ATF7: variants seen among roughly 807,000 people sequenced by gnomAD.
ATF7 encodes the protein activating transcription factor 7, also known as cyclic AMP-dependent transcription factor ATF-7.
Under a neutral mutation model 50.4 loss-of-function variants are expected in ATF7, and 10 were observed. The ratio of observed to expected loss-of-function variants is 0.20; its 90% CI spans 0.12 to 0.34. The LOEUF (loss-of-function observed/expected upper bound fraction) is 0.34. Among genes scored for constraint, ATF7 ranks in the 10% least tolerant of loss-of-function variants. The pLI is 1.00. For missense variants in ATF7, 465 were observed against 613.9 expected (o/e 0.76, Z 2.56); for synonymous variants, 201 against 226.4 (o/e 0.89, Z 1.01).
chr12:53,519,575 G>A (rs1937971098), intron 11 of ATF7, among the ~76,000 whole-genome samples: 1 of 151,860 alleles, frequency 6.6e-6, no homozygotes, highest in Non-Finnish European at 1.5e-5. Context: ...GGTGGTGCCC[G>A]CCTGTAGTCC....
intron 2 of ATF7, among the ~76,000 whole-genome samples, chr12:53,596,999 T>C (rs1943185048): frequency 6.6e-6 from 1 of 152,188 alleles, no homozygotes; most frequent in African/African-American, 2.4e-5. Context: ...TATTAACTGC[T>C]CCTGCTACCA....
At chr12:53,584,555 A>G (rs750926849) in intron 2 of ATF7, among the ~76,000 whole-genome samples, 4 of 152,272 alleles carry the variant, frequency 2.6e-5, no homozygotes, top group Non-Finnish European at 4.4e-5. Context: ...TGAACAGAAA[A>G]CTTATGTCCA....
At chr12:53,520,590 C>A (rs1161247925) in intron 11 of ATF7, among the ~76,000 whole-genome samples, 1 of 152,100 alleles carries the variant, frequency 6.6e-6, no homozygotes, top group African/African-American at 2.4e-5. Context: ...AGAGTTTTAT[C>A]TTCAGCCTTT....
Position 53,518,009 on chromosome 12 carries a change from T to C in ATF7, c.1235-655A>G, listed in dbSNP as rs917371210. Among the ~76,000 whole-genome samples the C allele has an allele frequency of 1.9e-3, 282 of 152,238 alleles. 4 individuals are homozygous for C. Among genetic ancestry groups the C allele is most frequent in the Admixed American group, 0.018 (281 of 15,288 alleles). Reference sequence around the variant, plus strand: ...CCTTCCGAGTAGCTGGGACTACAGGTGCACACTGCCACACCTGGCTAATTT... The same window carrying C: ...CCTTCCGAGTAGCTGGGACTACAGGCGCACACTGCCACACCTGGCTAATTT... On this transcript the variant is annotated intron_variant, in intron 11 of 11. Coordinates refer to ENST00000420353, the MANE Select transcript of ATF7 (RefSeq NM_006856.3).
intron 4 of ATF7, among the ~76,000 whole-genome samples, chr12:53,542,406 A>G (rs1939623915): frequency 1.3e-5 from 2 of 151,550 alleles, no homozygotes; most frequent in Admixed American, 1.3e-4. Context: ...CAGCCTGGGC[A>G]ACAGAGCAAG....
intron 6 of ATF7, among the ~76,000 whole-genome samples, chr12:53,533,723 G>A (rs1939041468): frequency 6.6e-6 from 1 of 152,142 alleles, no homozygotes; most frequent in South Asian, 2.1e-4. Flanking sequence ...AGAACAATAA[G>A]CTCTAAGAAT....
Position 53,601,019 on chromosome 12 carries a change from G to T in ATF7, c.-19C>A. 1 of 1,611,504 alleles carries T rather than the reference G, an allele frequency of 6.2e-7. No homozygotes were observed. The highest frequency in any genetic ancestry group is 8.5e-7 in the Non-Finnish European group (1 of 1,178,594). On this transcript the variant is annotated splice_region_variant and 5_prime_UTR_variant, in exon 2 of 12. Transcript: ENST00000420353. ...CTCCCATATTTCATATAGCAGAGAG[G>T]AGCTGAGGAGGGGGAGGTGAGGGAA...
intron 1 of ATF7, among the ~76,000 whole-genome samples, chr12:53,615,179 T>C (rs936811913): frequency 4.6e-5 from 7 of 151,286 alleles, no homozygotes; most frequent in Non-Finnish European, 8.8e-5. Context: ...GTCAGGAGAT[T>C]GAGACCATCC....
Position 53,601,029 on chromosome 12 carries a change from G to C in ATF7, c.-21-8C>G, listed in dbSNP as rs1170163252. 2 of 1,603,628 alleles carry C rather than the reference G, an allele frequency of 1.2e-6. No homozygotes were observed. Among genetic ancestry groups the C allele is most frequent in the Non-Finnish European group, 1.7e-6 (2 of 1,175,078 alleles). ...TCATATAGCAGAGAGGAGCTGAGGA[G>C]GGGGAGGTGAGGGAAAAAGTTATGT... On this transcript the variant is annotated splice_polypyrimidine_tract_variant and splice_region_variant and intron_variant, in intron 1 of 11. Coordinates refer to ENST00000420353, the MANE Select transcript of ATF7 (RefSeq NM_006856.3).
intron 1 of ATF7, among the ~76,000 whole-genome samples, chr12:53,602,810 T>A (rs535362747): frequency 6.6e-6 from 1 of 152,322 alleles, no homozygotes; most frequent in African/African-American, 2.4e-5. Context: ...TTTAAATACA[T>A]GATTTTTTTA....
chr12:53,580,663 C>CAAAAAAAA (rs539252431), intron 2 of ATF7, among the ~76,000 whole-genome samples: 1 of 37,696 alleles, frequency 2.7e-5, no homozygotes, highest in African/African-American at 1.0e-4. Context: ...GACTCCATCT[C>CAAAAAAAA]AAAAAAAAAA....
At chr12:53,537,972 A>C (rs1452595278) in intron 4 of ATF7, among the ~76,000 whole-genome samples, 1 of 152,182 alleles carries the variant, frequency 6.6e-6, no homozygotes, top group Non-Finnish European at 1.5e-5. Context: ...TCAGCCTCCC[A>C]AAGTGTTGGG....
chr12:53,524,736 C>A lies in ATF7; in HGVS notation c.953G>T (p.Ser318Ile), dbSNP rs755497609. The A allele has an allele frequency of 1.9e-6, 3 of 1,610,432 alleles. No individual in the cohort carries two copies. In the Admixed American group the frequency reaches 5.0e-5, roughly 27 times the overall value. The change falls in exon 10 of 12, where the codon AGT becomes ATT. Residue 318 changes from serine to isoleucine, a missense_variant. By Grantham distance (142) the Ser-to-Ile change is moderately radical (BLOSUM62 -2). Coordinates refer to ENST00000420353, the MANE Select transcript of ATF7 (RefSeq NM_006856.3). This position sits in a 1 kb window ranked among gnomAD's most constrained non-coding sequence, Gnocchi z 4.6. ...TGTGCGCCGCCGTCGCCCCCCAGTACTAGGGGTGGGCTGAGCTGGTGAGAC... is the reference window on the plus strand; with the variant it reads ...TGTGCGCCGCCGTCGCCCCCCAGTAATAGGGGTGGGCTGAGCTGGTGAGAC... The part of the protein sequence containing the change: ...PQVSPAQPTP[S>I]TGGRRRRTVD...
rs554341480 is a variant in ATF7, at chr12:53,537,844, C to T, written c.265-292G>A. ...TCTCCCGCCTCAGCCTCCCAAGTAG[C>T]TGGGATTATAGGCATGTGCCACCAC... On this transcript the variant is annotated intron_variant, in intron 4 of 11. Coordinates refer to ENST00000420353, the MANE Select transcript of ATF7 (RefSeq NM_006856.3). 5.5e-4 allele frequency among the ~76,000 whole-genome samples: 84 copies of T among 152,254 alleles called. 2 individuals are homozygous for T. In the South Asian group the frequency reaches 0.017, roughly 31 times the overall value.
At chr12:53,577,161 CTG>C (rs1343395268) in intron 2 of ATF7, among the ~76,000 whole-genome samples, 1 of 152,108 alleles carries the variant, frequency 6.6e-6, no homozygotes, top group Non-Finnish European at 1.5e-5. Context: ...TTGCATGTGT[CTG>C]TAGTTCCGGC....
intron 2 of ATF7, among the ~76,000 whole-genome samples, chr12:53,595,297 C>T (rs987100131): frequency 6.6e-6 from 1 of 152,098 alleles, no homozygotes. Flanking sequence ...CCATTGCTTC[C>T]CCTCGTAATT....
At chr12:53,543,534 G>C in intron 3 of ATF7, 86 bp from the exon 4 acceptor site, 1 of 1,350,318 alleles carries the variant, frequency 7.4e-7, no homozygotes, top group African/African-American at 1.5e-5. Flanking sequence ...GAATGCATTT[G>C]TACTTTTTGA....
chr12:53,596,346 T>C (rs1163592255), intron 2 of ATF7, among the ~76,000 whole-genome samples: 3 of 152,156 alleles, frequency 2.0e-5, no homozygotes, highest in East Asian at 1.9e-4. Context: ...AAAATAGTTA[T>C]GACAGAAACC....
chr12:53,619,551 G>C (rs973661815), intron 1 of ATF7, among the ~76,000 whole-genome samples: 1 of 149,938 alleles, frequency 6.7e-6, no homozygotes, highest in Admixed American at 6.6e-5. Flanking sequence ...TGGGGGCCCA[G>C]CCTGTAATTC....
Sources: gnomAD v4.1 joint callset for allele counts (sites outside exome capture counted in the v4.1 genomes callset) on GRCh38, gnomAD v4.1.1 for gene constraint, Gnocchi (gnomAD v3.1) non-coding constraint, MANE v1.5 for transcripts, NCBI Gene and HGNC (gene_info 2026-07-23, HGNC 2026-07-21) for gene names.